The following CADPS variants were observed in gnomAD, a reference collection of about 807,000 sequenced individuals.
CADPS encodes the protein calcium-dependent secretion activator 1.
A neutral mutation model predicts 167.3 loss-of-function variants in CADPS; 57 were observed. The observed-to-expected ratio is 0.34, with a 90% confidence interval of 0.28 to 0.42. CADPS has a LOEUF of 0.42. Among genes scored for constraint, CADPS ranks in the 20% least tolerant of loss-of-function variants. The pLI, the probability that CADPS is intolerant of heterozygous loss-of-function variation, is 1.00. For missense variants in CADPS, 1,414 were observed against 1,738.1 expected, an observed-to-expected ratio of 0.81 and a Z score of 3.32; for synonymous variants, 676 against 635.3, an observed-to-expected ratio of 1.06 and a Z score of -0.96.
At chr3:62,842,726 T>C (rs922267202) in intron 1 of CADPS, among the ~76,000 whole-genome samples, 3 of 152,178 alleles carry the variant, frequency 2.0e-5, no homozygotes, top group Non-Finnish European at 2.9e-5. Context: ...TACAAGGTGA[T>C]AGAGAGCCAG....
In CADPS at chr3:62,399,404, G is replaced by A. The variant is rs1406077892; in HGVS notation, c.*2C>T. ...TCCCAGCAGACTCTAGGACCAAATG[G>A]TCTAATCGTCTTCTTCGTCTTCCTC... On this transcript the variant is annotated 3_prime_UTR_variant, in exon 30 of 30. Transcript: ENST00000383710. The surrounding 1 kb of genome is among the most constrained non-coding windows in gnomAD (Gnocchi z 5.6). 6.2e-6 allele frequency: 10 copies of A among 1,613,938 alleles called. No homozygotes were observed. Among genetic ancestry groups the A allele is most frequent in the Non-Finnish European group, 8.5e-6 (10 of 1,179,910 alleles).
At chr3:62,621,195 A>C (rs1210324478) in intron 6 of CADPS, among the ~76,000 whole-genome samples, 1 of 152,184 alleles carries the variant, frequency 6.6e-6, no homozygotes, top group Non-Finnish European at 1.5e-5. Flanking sequence ...TGATTGCTGT[A>C]TTCTTGGAAA....
rs966272824 is a variant in CADPS, at chr3:62,499,396, G to A, written c.2600-128C>T. The A allele has an allele frequency of 6.2e-6, 4 of 645,026 alleles. 1 individual carries two copies. The highest frequency in any genetic ancestry group is 1.1e-5 in the Non-Finnish European group (4 of 353,054). The allele number at this position is 645,026 out of a possible 1,614,324, so 40.0% of individuals were successfully genotyped here. On this transcript the variant is annotated intron_variant, in intron 17 of 29. Transcript: ENST00000383710. ...TAAAAAAAATTCATGCAAATGTTAA[G>A]TGCCATGTAATTAGTAGTGAGCAAA... is the stretch of plus-strand genomic sequence containing the variant.
In CADPS at chr3:62,398,408, T is replaced by C. The variant is rs1704823980; in HGVS notation, c.*998A>G. The C allele has an allele frequency of 1.3e-5, 2 of 152,654 alleles. No individual in the cohort carries two copies. The highest frequency in any genetic ancestry group is 4.8e-5 in the African/African-American group (2 of 41,466). 9.5% of individuals were successfully genotyped at this position (152,654 alleles called of 1,614,324 possible). On this transcript the variant is annotated 3_prime_UTR_variant, in exon 30 of 30. Coordinates refer to ENST00000383710, the MANE Select transcript of CADPS (RefSeq NM_003716.4). Reference sequence around the variant, plus strand: ...ACAGTTTTCCACACTTCCATAACTGTAGGCTTTATATAAGGCAAAAGCAAG... The same window carrying C: ...ACAGTTTTCCACACTTCCATAACTGCAGGCTTTATATAAGGCAAAAGCAAG...
intron 1 of CADPS, among the ~76,000 whole-genome samples, chr3:62,834,932 AAT>A (rs1218679587): frequency 6.6e-6 from 1 of 152,198 alleles, no homozygotes; most frequent in Non-Finnish European, 1.5e-5. Flanking sequence ...GTAGTATCAT[AAT>A]CTGGCCTGTT....
intron 21 of CADPS, among the ~76,000 whole-genome samples, chr3:62,482,376 C>CA (rs1415749462): frequency 6.6e-6 from 1 of 152,192 alleles, no homozygotes; most frequent in Admixed American, 6.5e-5. Context: ...CACTTGGAGG[C>CA]ACACCTAATG....
chr3:62,600,114 C>A (rs2059740575), intron 6 of CADPS, among the ~76,000 whole-genome samples: 1 of 147,262 alleles, frequency 6.8e-6, no homozygotes, highest in Non-Finnish European at 1.5e-5. Flanking sequence ...CTGCCCCTTT[C>A]AACTGAGGGC....
chr3:62,702,577 G>A (rs1377407244), intron 3 of CADPS, among the ~76,000 whole-genome samples: 1 of 152,088 alleles, frequency 6.6e-6, no homozygotes, highest in Non-Finnish European at 1.5e-5. Flanking sequence ...ATAGTACCGG[G>A]TCACTGACTG....
chr3:62,409,470 G>A (rs912901658), intron 28 of CADPS, among the ~76,000 whole-genome samples: 16 of 152,184 alleles, frequency 1.1e-4, no homozygotes, highest in African/African-American at 2.9e-4. Context: ...GTGGGGACTC[G>A]GGGGCATCCC....
intron 6 of CADPS, among the ~76,000 whole-genome samples, chr3:62,641,545 A>T (rs2067417529): frequency 6.6e-6 from 1 of 152,084 alleles, no homozygotes; most frequent in African/African-American, 2.4e-5. Context: ...TTCCTTCTCC[A>T]TCTCCCTGCC....
Position 62,713,974 on chromosome 3 carries a change from A to G in CADPS, c.888+39467T>C, listed in dbSNP as rs186122133. On this transcript the variant is annotated intron_variant, in intron 3 of 29. Coordinates refer to ENST00000383710, the MANE Select transcript of CADPS (RefSeq NM_003716.4). The stretch of plus-strand genomic sequence containing the variant: ...TTAAAAAAATTTCTCTATATTCTTT[A>G]TATTATTCCAATACCTCGACCTTTG... Among the ~76,000 whole-genome samples, 112 of 152,262 alleles carry G rather than the reference A, an allele frequency of 7.4e-4. 1 individual carries two copies. In the East Asian group the frequency reaches 0.013, roughly 17 times the overall value.
intron 9 of CADPS, among the ~76,000 whole-genome samples, chr3:62,564,245 C>T (rs2079713239): frequency 6.6e-6 from 1 of 152,054 alleles, no homozygotes; most frequent in Non-Finnish European, 1.5e-5. Context: ...TCATGATCCA[C>T]CCGCCTCAGC....
intron 1 of CADPS, among the ~76,000 whole-genome samples, chr3:62,846,054 GCTCTCTCTCTCT>G (rs112418953): frequency 1.3e-5 from 2 of 148,154 alleles, no homozygotes; most frequent in African/African-American, 2.5e-5. Flanking sequence ...TTCCCCCTTT[GCTCTCTCTCTCT>G]CTCTCTCTCT....
chr3:62,408,595 G>T (rs1244727097), intron 28 of CADPS, among the ~76,000 whole-genome samples: 3 of 152,184 alleles, frequency 2.0e-5, no homozygotes, highest in African/African-American at 7.2e-5. Context: ...CAGCTATATA[G>T]AGTGTTGCTA....
At chr3:62,445,252 A>AT (rs1383400992) in intron 27 of CADPS, among the ~76,000 whole-genome samples, 1 of 152,222 alleles carries the variant, frequency 6.6e-6, no homozygotes, top group Non-Finnish European at 1.5e-5. Context: ...CCTTAAAACA[A>AT]TTGCAGAATT....
intron 1 of CADPS, among the ~76,000 whole-genome samples, chr3:62,825,849 T>G (rs1252807827): frequency 6.6e-6 from 1 of 152,160 alleles, no homozygotes; most frequent in Non-Finnish European, 1.5e-5. Context: ...AAGCTTTCTC[T>G]CCTACCCTCA....
At chr3:62,599,900 C>CA (rs2059696970) in intron 6 of CADPS, among the ~76,000 whole-genome samples, 1 of 49,058 alleles carries the variant, frequency 2.0e-5, no homozygotes, top group Non-Finnish European at 4.0e-5. Flanking sequence ...TTATATATAC[C>CA]ATATTATATA....
chr3:62,586,051 A>T (rs949656034), intron 7 of CADPS, among the ~76,000 whole-genome samples: 8 of 152,212 alleles, frequency 5.3e-5, no homozygotes, highest in Non-Finnish European at 1.0e-4. Context: ...ACAGGAAGTG[A>T]GTAACTCACT....
intron 3 of CADPS, among the ~76,000 whole-genome samples, chr3:62,693,729 G>T (rs1409665723): frequency 6.6e-6 from 1 of 151,216 alleles, no homozygotes; most frequent in African/African-American, 2.4e-5. Context: ...AGGTTGTAGT[G>T]AGCCGAGATT....
Sources: gnomAD v4.1 joint callset for allele counts (sites outside exome capture counted in the v4.1 genomes callset) on GRCh38, gnomAD v4.1.1 for gene constraint, Gnocchi (gnomAD v3.1) non-coding constraint, MANE v1.5 for transcripts, NCBI Gene and HGNC (gene_info 2026-07-23, HGNC 2026-07-21) for gene names.